The following CRY1 variants were observed in gnomAD, a reference collection of about 807,000 sequenced individuals.
The protein encoded by CRY1 is cryptochrome circadian regulator 1, also known as cryptochrome-1.
Under a neutral mutation model 76.0 loss-of-function variants are expected in CRY1, and 45 were observed. That is an observed-to-expected ratio of 0.59 (90% confidence interval 0.47 to 0.76). CRY1 has a LOEUF of 0.76. Among genes scored for constraint, CRY1 ranks in the 30% least tolerant of loss-of-function variants. The pLI is 0.00. For synonymous variants in CRY1, 248 were observed against 244.0 expected, an observed-to-expected ratio of 1.02 and a Z score of -0.15; for missense variants, 587 against 716.4, an observed-to-expected ratio of 0.82 and a Z score of 2.06.
intron 10 of CRY1, among the ~76,000 whole-genome samples, chr12:106,993,440 C>T (rs572378110): frequency 1.3e-5 from 2 of 151,504 alleles, no homozygotes; most frequent in South Asian, 2.1e-4. Flanking sequence ...AGGGCCTGCC[C>T]GATGAGTTAA....
At chr12:107,069,116 G>A (rs1156823188) in intron 1 of CRY1, among the ~76,000 whole-genome samples, 1 of 151,992 alleles carries the variant, frequency 6.6e-6, no homozygotes, top group African/African-American at 2.4e-5. Flanking sequence ...TTAACTTTTT[G>A]TGGAAATGGC....
rs754173809 is a variant in CRY1 at position 107,001,357 on chromosome 12, C to T, written c.607G>A (p.Asp203Asn). Residue 203 changes from aspartate to asparagine, a missense_variant, in exon 5 of 13, where the codon GAT becomes AAT. Physicochemically the swap from Asp to Asn is conservative, Grantham distance 23. Transcript: ENST00000008527. ...PSLEELGFDT[D>N]GLSSAVWPGG... ...GGCCACACTGCAGAGGATAAGCCAT[C>T]TGTATCAAAACCTACAAGAAAGAAA... is the stretch of plus-strand genomic sequence containing the variant. 1.7e-5 allele frequency: 28 copies of T among 1,609,698 alleles called. No individual in the cohort carries two copies. The highest frequency in any genetic ancestry group is 3.3e-5 in the South Asian group (3 of 89,558).
intron 1 of CRY1, among the ~76,000 whole-genome samples, chr12:107,072,177 CTTTCT>C (rs66567211): frequency 0.5 from 74,411 of 149,116 alleles, 19,421 homozygotes; most frequent in East Asian, 0.72. Context: ...CTACAACCAC[CTTTCT>C]ATGCAAAGAT....
chr12:107,060,519 T>C (rs544649174), intron 1 of CRY1, among the ~76,000 whole-genome samples: 1 of 152,330 alleles, frequency 6.6e-6, no homozygotes, highest in Admixed American at 6.5e-5. Flanking sequence ...TTTGGTACTG[T>C]GTTATAGCAG....
rs193186762 is a variant in CRY1 at position 107,039,298 on chromosome 12, C to T, written c.159-17106G>A. 3.9e-5 allele frequency among the ~76,000 whole-genome samples: 6 copies of T among 152,222 alleles called. No individual in the cohort carries two copies. In the East Asian group the frequency reaches 1.2e-3, roughly 29 times the overall value. On this transcript the variant is annotated intron_variant, in intron 1 of 12. Transcript: ENST00000008527. ...GGCAATGCTTTCATCAATATGACTC[C>T]AAAGGAACTGGCAACAAAAGCAAAA...
chr12:107,056,223 C>T (rs763200060), intron 1 of CRY1, among the ~76,000 whole-genome samples: 17 of 152,196 alleles, frequency 1.1e-4, no homozygotes, highest in Non-Finnish European at 2.1e-4. Context: ...GGCTAGACAT[C>T]GTTAGGGAAG....
intron 2 of CRY1, among the ~76,000 whole-genome samples, chr12:107,010,450 T>C (rs1328227213): frequency 6.6e-6 from 1 of 152,218 alleles, no homozygotes; most frequent in Non-Finnish European, 1.5e-5. Flanking sequence ...ATTGTGCATT[T>C]TATAAATCAA....
At chr12:107,090,437 A>G (rs570297545) in intron 1 of CRY1, among the ~76,000 whole-genome samples, 21 of 152,270 alleles carry the variant, frequency 1.4e-4, no homozygotes, top group African/African-American at 3.4e-4. Flanking sequence ...TTCTTCTTAC[A>G]TTACTAGTGG....
intron 10 of CRY1, among the ~76,000 whole-genome samples, chr12:106,995,439 CCT>C (rs1323653021): frequency 1.3e-5 from 2 of 151,984 alleles, no homozygotes; most frequent in Non-Finnish European, 2.9e-5. Flanking sequence ...CAAATGCTAC[CCT>C]GTTTTTATCC....
At chr12:107,073,688 C>T (rs935265578) in intron 1 of CRY1, among the ~76,000 whole-genome samples, 1 of 152,078 alleles carries the variant, frequency 6.6e-6, no homozygotes, top group Non-Finnish European at 1.5e-5. Context: ...AAGATTGCAC[C>T]ATTGCACTCC....
intron 1 of CRY1, among the ~76,000 whole-genome samples, chr12:107,084,177 GA>G (rs1474113510): frequency 2.6e-5 from 4 of 152,172 alleles, no homozygotes; most frequent in Non-Finnish European, 5.9e-5. Context: ...AAAGAAATAA[GA>G]GAGGACACAA....
chr12:107,066,251 C>T (rs1404025335), intron 1 of CRY1, among the ~76,000 whole-genome samples: 2 of 152,122 alleles, frequency 1.3e-5, no homozygotes, highest in African/African-American at 2.4e-5. Flanking sequence ...AAAGTTTATC[C>T]TAAGTTTAGC....
chr12:107,025,188 A>C (rs1952594722), intron 1 of CRY1, among the ~76,000 whole-genome samples: 1 of 152,232 alleles, frequency 6.6e-6, no homozygotes, highest in African/African-American at 2.4e-5. Flanking sequence ...AAACAGAGAA[A>C]CAAACACATT....
intron 1 of CRY1, among the ~76,000 whole-genome samples, chr12:107,051,176 G>A (rs980756770): frequency 9.2e-5 from 14 of 152,036 alleles, no homozygotes; most frequent in African/African-American, 3.4e-4. Flanking sequence ...CCATATAGCT[G>A]TTATGTAATT....
intron 1 of CRY1, among the ~76,000 whole-genome samples, chr12:107,057,540 A>C (rs145819306): frequency 1.3e-5 from 2 of 152,262 alleles, no homozygotes; most frequent in African/African-American, 4.8e-5. Context: ...TAATTGAGTA[A>C]AACTGCAAAA....
At chr12:107,061,822 C>T (rs983913824) in intron 1 of CRY1, among the ~76,000 whole-genome samples, 1 of 152,032 alleles carries the variant, frequency 6.6e-6, no homozygotes, top group East Asian at 1.9e-4. Context: ...TCAAAATTAT[C>T]CAATGCTGGG....
intron 2 of CRY1, among the ~76,000 whole-genome samples, chr12:107,012,570 A>C (rs1185724651): frequency 6.6e-6 from 1 of 152,248 alleles, no homozygotes; most frequent in African/African-American, 2.4e-5. Flanking sequence ...CTACCAATGT[A>C]ACATCAATTC....
chr12:107,022,292 C>T, intron 1 of CRY1, 100 bp from the exon 2 acceptor site: 1 of 627,134 alleles, frequency 1.6e-6, no homozygotes, highest in Non-Finnish European at 2.6e-6. Flanking sequence ...AAATGCCAAC[C>T]TATCATCTTA....
At chr12:107,052,797 C>A (rs1952938188) in intron 1 of CRY1, among the ~76,000 whole-genome samples, 1 of 152,194 alleles carries the variant, frequency 6.6e-6, no homozygotes, top group African/African-American at 2.4e-5. Flanking sequence ...GGCCACAGCA[C>A]AGAGAGTGAA....
Sources: allele counts gnomAD v4.1 joint callset (sites outside exome capture counted in the v4.1 genomes callset), GRCh38; gene constraint gnomAD v4.1.1; transcripts MANE v1.5; gene names NCBI Gene and HGNC (gene_info 2026-07-23, HGNC 2026-07-21).